The following SULT2B1 variants were observed in gnomAD, a reference collection of about 807,000 sequenced individuals.
SULT2B1 encodes sulfotransferase 2B1.
Under a neutral mutation model 33.2 loss-of-function variants are expected in SULT2B1, and 16 were observed. That is an observed-to-expected ratio of 0.48 (90% CI 0.33 to 0.73). SULT2B1 has a LOEUF of 0.73. Ranked by LOEUF, SULT2B1 falls within the 30% of genes least tolerant of loss-of-function variation. The pLI is 0.02. For synonymous variants in SULT2B1, 186 were observed against 200.5 expected, an observed-to-expected ratio of 0.93 and a Z score of 0.61; for missense variants, 500 against 506.0, an observed-to-expected ratio of 0.99 and a Z score of 0.11.
intron 2 of SULT2B1, among the ~76,000 whole-genome samples, chr19:48,578,361 C>A (rs1973441563): frequency 1.3e-5 from 2 of 152,100 alleles, no homozygotes. Context: ...GCAGGAGGAT[C>A]TCTTGAGCCT....
intron 1 of SULT2B1, among the ~76,000 whole-genome samples, chr19:48,568,936 C>G (rs1353085347): frequency 2.0e-5 from 3 of 152,330 alleles, no homozygotes; most frequent in Non-Finnish European, 1.5e-5. Flanking sequence ...CGCTCCCTCT[C>G]TCGCTACCTT....
chr19:48,571,640 AG>A (rs1315987906), intron 1 of SULT2B1, among the ~76,000 whole-genome samples: 2,525 of 108,690 alleles, frequency 0.023, 61 homozygotes, highest in African/African-American at 0.08. Flanking sequence ...CAATAACAAA[AG>A]AAAAAAACAC....
intron 1 of SULT2B1, among the ~76,000 whole-genome samples, chr19:48,553,014 G>C (rs141650645): frequency 1.2e-4 from 18 of 152,226 alleles, no homozygotes; most frequent in Admixed American, 3.3e-4. Context: ...ATCTGAACCC[G>C]GTCTGTCTCA....
At chr19:48,574,605 A>C (rs963723750) in intron 1 of SULT2B1, among the ~76,000 whole-genome samples, 1 of 152,242 alleles carries the variant, frequency 6.6e-6, no homozygotes. Context: ...ATGTATCAGG[A>C]GCCAAGCACT....
At chr19:48,597,623 G>A (rs1341667090) in intron 6 of SULT2B1, among the ~76,000 whole-genome samples, 8 of 150,140 alleles carry the variant, frequency 5.3e-5, no homozygotes, top group African/African-American at 7.4e-5. Flanking sequence ...GATTACAGGC[G>A]TGAGCCACCG....
intron 2 of SULT2B1, among the ~76,000 whole-genome samples, chr19:48,580,235 C>T (rs561092586): frequency 1.7e-4 from 26 of 151,724 alleles, no homozygotes; most frequent in South Asian, 4.2e-4. Flanking sequence ...CTGGGCCCTG[C>T]ACACAAGTTC....
chr19:48,592,844 C>T (rs1296942761), intron 5 of SULT2B1, 28 bp downstream of exon 5: 13 of 1,537,408 alleles, frequency 8.5e-6, no homozygotes, highest in Admixed American at 2.0e-5. Context: ...CCAGGTGCAG[C>T]GTCCCCCCCA....
chr19:48,585,864 A>C (rs950671384), intron 2 of SULT2B1, among the ~76,000 whole-genome samples: 1 of 152,142 alleles, frequency 6.6e-6, no homozygotes, highest in Non-Finnish European at 1.5e-5. Flanking sequence ...TGGGCAGTGA[A>C]AAGTGAAAAG....
intron 1 of SULT2B1, among the ~76,000 whole-genome samples, chr19:48,567,918 T>G (rs73050943): frequency 0.024 from 3,577 of 151,862 alleles, 45 homozygotes; most frequent in South Asian, 0.041. Context: ...GAGGCTGCAG[T>G]AAGCTGTGAC....
Position 48,599,334 on chromosome 19 carries a change from G to T in SULT2B1, c.1026G>T (p.Glu342Asp), listed in dbSNP as rs866304725. The T allele has an allele frequency of 2.5e-6, 4 of 1,597,240 alleles. No individual in the cohort carries two copies. Among genetic ancestry groups the T allele is most frequent in the Non-Finnish European group, 3.4e-6 (4 of 1,171,746 alleles). Residue 342 changes from glutamate (E) to aspartate (D), a missense_variant, in exon 7 of 7, where the codon GAG (glutamate) becomes GAT (aspartate). Transcript: ENST00000201586. This position sits in a 1 kb window ranked among gnomAD's most constrained non-coding sequence, Gnocchi z 4.1. ...AGCCCAACACCAGCCTGGAGCGTGAGCCCAGACCCAACTCCAGCCCCAGCC... is the reference window on the plus strand; with the variant it reads ...AGCCCAACACCAGCCTGGAGCGTGATCCCAGACCCAACTCCAGCCCCAGCC... ...SLEPNTSLER[E>D]PRPNSSPSPS...
chr19:48,571,350 C>T (rs924803972), intron 1 of SULT2B1, among the ~76,000 whole-genome samples: 5 of 151,802 alleles, frequency 3.3e-5, no homozygotes, highest in Admixed American at 2.0e-4. Context: ...GCGCCCACCA[C>T]CGTGCCCAGC....
chr19:48,589,540 A>T (rs531330230), intron 3 of SULT2B1, among the ~76,000 whole-genome samples: 2 of 152,082 alleles, frequency 1.3e-5, no homozygotes, highest in Non-Finnish European at 2.9e-5. Context: ...CAGAGCAGAG[A>T]GGGGGGGCTG....
intron 5 of SULT2B1, 148 bp downstream of exon 5, chr19:48,592,964 C>G: frequency 1.5e-6 from 1 of 687,008 alleles, no homozygotes; most frequent in South Asian, 1.8e-5. Flanking sequence ...AGAACAGAGG[C>G]CCTGAGCCTG....
At position 48,552,288 on chromosome 19, in the gene SULT2B1, G is replaced by A; in HGVS notation, c.36G>A (p.Leu12=). The stretch of plus-strand genomic sequence containing the variant: ...CCGCCGAGCCCCAGATCCCGGGCTT[G>A]TGGGACACCTATGAAGATGACATCT... ...DGPAEPQIPG[L]WDTYEDDISE... Residue 12 remains leucine (L), a synonymous_variant, in exon 1 of 7, where the codon TTG becomes TTA. Transcript: ENST00000201586. This position sits in a 1 kb window ranked among gnomAD's most constrained non-coding sequence, Gnocchi z 4.8. The A allele has an allele frequency of 1.9e-6, 3 of 1,614,044 alleles. No individual in the cohort carries two copies. The highest frequency in any genetic ancestry group is 2.5e-6 in the Non-Finnish European group (3 of 1,179,958).
At chr19:48,553,630 T>A (rs1200824002) in intron 1 of SULT2B1, among the ~76,000 whole-genome samples, 1 of 152,026 alleles carries the variant, frequency 6.6e-6, no homozygotes, top group African/African-American at 2.4e-5. Flanking sequence ...TTCATTCCAC[T>A]GTTTCAGGCC....
At chr19:48,556,495 G>A (rs1422277000) in intron 1 of SULT2B1, among the ~76,000 whole-genome samples, 1 of 152,036 alleles carries the variant, frequency 6.6e-6, no homozygotes, top group African/African-American at 2.4e-5. Flanking sequence ...GGCTTCAGGA[G>A]AGTAAGGGGC....
chr19:48,597,654 C>CTTTCTTTTTTT, intron 6 of SULT2B1, among the ~76,000 whole-genome samples: 1 of 124,226 alleles, frequency 8.0e-6, no homozygotes, highest in African/African-American at 3.2e-5. Flanking sequence ...TTTCTTTTTT[C>CTTTCTTTTTTT]TTTTTTGAGA....
In SULT2B1 at chr19:48,556,377, T is replaced by C. The variant is rs1270820434; in HGVS notation, c.71+4054T>C. 2.6e-5 allele frequency among the ~76,000 whole-genome samples: 4 copies of C among 152,222 alleles called. No homozygotes were observed. The East Asian group carries it at 7.7e-4, about 29-fold the overall frequency. On this transcript the variant is annotated intron_variant, in intron 1 of 6. Coordinates refer to ENST00000201586, the MANE Select transcript of SULT2B1 (RefSeq NM_177973.2). ...AATGAATGAATGAATGGAGGCTCCA[T>C]TAAGCAACCTCTGAGCCGGAGCTTC...
At chr19:48,597,055 G>A (rs1973727389) in intron 6 of SULT2B1, 136 bp downstream of exon 6, 1 of 1,031,926 alleles carries the variant, frequency 9.7e-7, no homozygotes, top group Non-Finnish European at 1.4e-6. Flanking sequence ...GTGGCCCCAG[G>A]GTTGATCACG....
Sources: allele counts gnomAD v4.1 joint callset (sites outside exome capture counted in the v4.1 genomes callset), GRCh38; gene constraint gnomAD v4.1.1; non-coding constraint Gnocchi (gnomAD v3.1); transcripts MANE v1.5; gene names NCBI Gene and HGNC (gene_info 2026-07-23, HGNC 2026-07-21).